KATNAL2: variants seen among roughly 807,000 people sequenced by gnomAD.
The protein encoded by KATNAL2 is katanin catalytic subunit A1 like 2, also known as katanin p60 ATPase-containing subunit A-like 2.
A neutral mutation model predicts 76.3 loss-of-function variants in KATNAL2; 52 were observed. The ratio of observed to expected loss-of-function variants is 0.68; its 90% CI spans 0.55 to 0.86. The LOEUF (loss-of-function observed/expected upper bound fraction) is 0.86, where lower values mean the gene tolerates loss of function less well. Among genes scored for constraint, KATNAL2 ranks in the 40% least tolerant of loss-of-function variants. The pLI is 0.00. For synonymous variants in KATNAL2, 243 were observed against 244.2 expected, an observed-to-expected ratio of 1.00 and a Z score of 0.05; for missense variants, 660 against 668.9, an observed-to-expected ratio of 0.99 and a Z score of 0.15.
chr18:47,080,359 G>A lies in KATNAL2; in HGVS notation c.1211+2898G>A, dbSNP rs1245813846. Among the ~76,000 whole-genome samples the A allele has an allele frequency of 2.6e-5, 4 of 151,968 alleles. No homozygotes were observed. The South Asian group carries it at 8.3e-4, about 32-fold the overall frequency. On this transcript the variant is annotated intron_variant, in intron 15 of 17. Transcript: ENST00000683218. ...CCCAATTCACCCATTTAGAGTATAC[G>A]ATTCAATGGTTTTGAGTGTATTTAG...
intron 3 of KATNAL2, among the ~76,000 whole-genome samples, chr18:47,032,215 A>G (rs2060498992): frequency 6.6e-6 from 1 of 152,202 alleles, no homozygotes; most frequent in South Asian, 2.1e-4. Context: ...ATTACCATTC[A>G]CTTATGAAAT....
In KATNAL2 at chr18:46,942,678, C is replaced by G. The variant is rs371914591; in HGVS notation, c.-509-3379C>G. On this transcript the variant is annotated intron_variant, in intron 1 of 17. Transcript: ENST00000683218. ...TATTATAATATCTTCTATCTGTCTC[C>G]TCATTATGCTCATAGTTTTCCTTTC... Among the ~76,000 whole-genome samples, 8 of 152,142 alleles carry G rather than the reference C, an allele frequency of 5.3e-5. 1 individual carries two copies. The highest frequency in any genetic ancestry group is 3.9e-4 in the Admixed American group (6 of 15,270).
intron 3 of KATNAL2, among the ~76,000 whole-genome samples, chr18:47,038,455 C>T (rs1018530528): frequency 1.3e-5 from 2 of 152,114 alleles, no homozygotes; most frequent in Non-Finnish European, 2.9e-5. Context: ...TATTTTTCTG[C>T]CTCTGTGTAT....
intron 3 of KATNAL2, among the ~76,000 whole-genome samples, chr18:46,956,778 C>G (rs1038168315): frequency 1.3e-5 from 2 of 152,094 alleles, no homozygotes; most frequent in Non-Finnish European, 2.9e-5. Context: ...CATGGTGGCT[C>G]ATGCCTGTAA....
chr18:47,054,100 A>G (rs908975882), intron 5 of KATNAL2, among the ~76,000 whole-genome samples: 12 of 152,248 alleles, frequency 7.9e-5, no homozygotes, highest in African/African-American at 2.9e-4. Context: ...ATGAAATGGT[A>G]GCTGTAAAGC....
chr18:47,043,245 A>AAAAAAAAAAAAAAAAAAG (rs376877321), intron 3 of KATNAL2, among the ~76,000 whole-genome samples: 1 of 93,174 alleles, frequency 1.1e-5, no homozygotes, highest in African/African-American at 4.0e-5. Flanking sequence ...AAAAAAAAAA[A>AAAAAAAAAAAAAAAAAAG]GAGATCCTAA....
chr18:47,031,726 A>T (rs1218759335), intron 3 of KATNAL2, among the ~76,000 whole-genome samples: 2 of 152,050 alleles, frequency 1.3e-5, no homozygotes, highest in African/African-American at 2.4e-5. Flanking sequence ...TGATCCACCC[A>T]CCTCGGCCTC....
intron 3 of KATNAL2, among the ~76,000 whole-genome samples, chr18:47,038,644 G>T (rs1246243466): frequency 6.6e-6 from 1 of 152,120 alleles, no homozygotes; most frequent in Non-Finnish European, 1.5e-5. Flanking sequence ...AATTGTATCT[G>T]AAATACAATA....
At chr18:46,922,254 C>T (rs1490791712) in intron 1 of KATNAL2, among the ~76,000 whole-genome samples, 1 of 151,892 alleles carries the variant, frequency 6.6e-6, no homozygotes, top group East Asian at 1.9e-4. Context: ...CACACCACCA[C>T]TCTCAGCTAA....
chr18:47,054,656 T>C (rs2061422962), intron 6 of KATNAL2: 2 of 544,148 alleles, frequency 3.7e-6, no homozygotes, highest in Non-Finnish European at 6.6e-6. Context: ...AAGTATATCC[T>C]GTGATGCTCT....
intron 3 of KATNAL2, chr18:47,032,954 G>T (rs1388139154): frequency 6.2e-7 from 1 of 1,613,068 alleles, no homozygotes. Flanking sequence ...CATTGACTTT[G>T]CCAATGCAAA....
intron 3 of KATNAL2, among the ~76,000 whole-genome samples, chr18:46,965,582 C>CA (rs2060096877): frequency 1.2e-3 from 17 of 13,828 alleles, no homozygotes; most frequent in East Asian, 0.012. Flanking sequence ...AGCATCCCCG[C>CA]CCCCCCCCCC....
intron 1 of KATNAL2, among the ~76,000 whole-genome samples, chr18:46,930,278 A>G (rs1328491615): frequency 2.6e-5 from 4 of 152,022 alleles, no homozygotes; most frequent in African/African-American, 9.7e-5. Flanking sequence ...TCTTCTTTCT[A>G]TTTTGCCAAG....
At position 47,036,046 on chromosome 18, in the gene KATNAL2, G is replaced by A. The variant is rs984476790; in HGVS notation, c.52-10411G>A. On this transcript the variant is annotated intron_variant, in intron 3 of 17. Transcript: ENST00000683218. ...GTAGTTCGAGCACTGTCTTGACCCC[G>A]CCTTGTCCCTCAAGCCCTGATGTTT... 4.6e-5 allele frequency among the ~76,000 whole-genome samples: 7 copies of A among 152,068 alleles called. No homozygotes were observed. The East Asian group carries it at 7.7e-4, about 17-fold the overall frequency.
chr18:47,064,834 G>A (rs962629796), intron 10 of KATNAL2, among the ~76,000 whole-genome samples: 9 of 152,140 alleles, frequency 5.9e-5, no homozygotes, highest in Non-Finnish European at 1.3e-4. Flanking sequence ...CACCTCATGA[G>A]GTAGTCCTGT....
intron 1 of KATNAL2, among the ~76,000 whole-genome samples, chr18:46,945,623 A>G (rs1035178368): frequency 7.2e-5 from 11 of 152,222 alleles, no homozygotes; most frequent in African/African-American, 2.7e-4. Context: ...TCCTAACTCT[A>G]TCTAGAACTA....
chr18:46,948,361 C>G (rs1186254695), intron 3 of KATNAL2, among the ~76,000 whole-genome samples: 2 of 151,668 alleles, frequency 1.3e-5, no homozygotes, highest in East Asian at 1.9e-4. Context: ...ATCTTCCCCC[C>G]TCAGCCTCCC....
intron 17 of KATNAL2, 138 bp from the exon 18 acceptor site, chr18:47,100,728 T>C: frequency 9.2e-7 from 1 of 1,091,086 alleles, no homozygotes; most frequent in South Asian, 1.6e-5. Context: ...CAGCCCTCTT[T>C]AGTCTTGCCT....
At chr18:47,034,502 C>T (rs376861883) in intron 3 of KATNAL2, 1 of 1,614,166 alleles carries the variant, frequency 6.2e-7, no homozygotes, top group African/African-American at 1.3e-5. Flanking sequence ...AAGCAGGCCC[C>T]GCATGATTTC....
Sources: gnomAD v4.1 joint callset for allele counts (sites outside exome capture counted in the v4.1 genomes callset) on GRCh38, gnomAD v4.1.1 for gene constraint, MANE v1.5 for transcripts, NCBI Gene and HGNC (gene_info 2026-07-23, HGNC 2026-07-21) for gene names.